GPR139: variants seen among roughly 807,000 people sequenced by gnomAD.
GPR139 encodes probable G protein-coupled receptor 139.
A neutral mutation model predicts 25.8 loss-of-function variants in GPR139; 12 were observed. That is an observed-to-expected ratio of 0.47 (90% CI 0.30 to 0.75). GPR139 has a LOEUF of 0.75. Among genes scored for constraint, GPR139 ranks in the 30% least tolerant of loss-of-function variants. The pLI is 0.07. For missense variants in GPR139, 380 were observed against 450.2 expected (o/e 0.84, Z 1.41); for synonymous variants, 184 against 179.9 (o/e 1.02, Z -0.18).
At chr16:20,064,870 C>T (rs1002684191) in intron 1 of GPR139, among the ~76,000 whole-genome samples, 1 of 152,202 alleles carries the variant, frequency 6.6e-6, no homozygotes, top group Non-Finnish European at 1.5e-5. Flanking sequence ...TGTTCCAAAA[C>T]AAAATGGTGG....
chr16:20,072,654 CGGCAG>C (rs2057463805), intron 1 of GPR139, among the ~76,000 whole-genome samples: 1 of 152,180 alleles, frequency 6.6e-6, no homozygotes, highest in Non-Finnish European at 1.5e-5. Context: ...CCCTCCTTCT[CGGCAG>C]CTCAGCTCTC....
intron 1 of GPR139, among the ~76,000 whole-genome samples, chr16:20,050,511 G>T (rs2057368125): frequency 6.6e-6 from 1 of 152,188 alleles, no homozygotes; most frequent in African/African-American, 2.4e-5. Flanking sequence ...GTGAAAATCA[G>T]AAGGGAAGGC....
chr16:20,045,291 C>T (rs975540972), intron 1 of GPR139, among the ~76,000 whole-genome samples: 7 of 152,082 alleles, frequency 4.6e-5, no homozygotes, highest in Non-Finnish European at 7.4e-5. Flanking sequence ...TGAGAGATTG[C>T]GCCTGGCCAC....
At chr16:20,056,170 C>G (rs2057387935) in intron 1 of GPR139, among the ~76,000 whole-genome samples, 1 of 152,160 alleles carries the variant, frequency 6.6e-6, no homozygotes, top group Non-Finnish European at 1.5e-5. Flanking sequence ...GCTGTCAACC[C>G]CACCCTTTCC....
chr16:20,059,328 G>T (rs544018463), intron 1 of GPR139, among the ~76,000 whole-genome samples: 6 of 152,100 alleles, frequency 3.9e-5, no homozygotes, highest in African/African-American at 1.4e-4. Flanking sequence ...CACCCACCTA[G>T]CCCAGCCTGT....
chr16:20,035,324 G>T (rs916113868), intron 1 of GPR139, among the ~76,000 whole-genome samples: 2 of 152,168 alleles, frequency 1.3e-5, no homozygotes, highest in Non-Finnish European at 2.9e-5. Flanking sequence ...TTCCCAGTGG[G>T]CTGGGGGTAC....
intron 1 of GPR139, among the ~76,000 whole-genome samples, chr16:20,049,558 T>G (rs2057365198): frequency 6.6e-6 from 1 of 152,258 alleles, no homozygotes; most frequent in African/African-American, 2.4e-5. Flanking sequence ...GTACCATGCT[T>G]GGCATGGAGT....
rs1804132042 is a variant in GPR139 at position 20,032,417 on chromosome 16, T to C, written c.380A>G (p.Tyr127Cys). The change falls in exon 2 of 2, where the codon TAT becomes TGT. Residue 127 changes from tyrosine to cysteine, a missense_variant. By Grantham distance (194) the Tyr-to-Cys change is radical. Transcript: ENST00000570682. Reference sequence around the variant, plus strand: ...CTTGAGCGGGTGGCAGACAGCGATATACCTGTCAATGGTTAACGGTACAGT... The same window carrying C: ...CTTGAGCGGGTGGCAGACAGCGATACACCTGTCAATGGTTAACGGTACAGT... ...WITVPLTIDR[Y>C]IAVCHPLKYH... The C allele has an allele frequency of 1.3e-5, 21 of 1,614,198 alleles. No homozygotes were observed. The Middle Eastern group carries it at 4.9e-4, about 38-fold the overall frequency.
intron 1 of GPR139, among the ~76,000 whole-genome samples, chr16:20,037,453 G>GA (rs139528395): frequency 0.11 from 12,548 of 118,578 alleles, 755 homozygotes; most frequent in African/African-American, 0.19. Context: ...CTCTGTCTCA[G>GA]AAAAAAAAAA....
chr16:20,060,149 G>A (rs1386288194), intron 1 of GPR139, among the ~76,000 whole-genome samples: 1 of 152,160 alleles, frequency 6.6e-6, no homozygotes, highest in African/African-American at 2.4e-5. Flanking sequence ...CAGCAGCTCC[G>A]TGGAGCTGAA....
intron 1 of GPR139, among the ~76,000 whole-genome samples, chr16:20,037,453 GAAA>G (rs139528395): frequency 2.5e-5 from 3 of 118,786 alleles, no homozygotes; most frequent in African/African-American, 2.9e-5. Flanking sequence ...CTCTGTCTCA[GAAA>G]AAAAAAAAAA....
chr16:20,057,921 CCATTTCATGTG>C (rs2057396198), intron 1 of GPR139, among the ~76,000 whole-genome samples: 1 of 152,156 alleles, frequency 6.6e-6, no homozygotes, highest in Non-Finnish European at 1.5e-5. Context: ...AGGGCAAAAG[CCATTTCATGTG>C]CATCTCTGTC....
chr16:20,032,543 A>C lies in GPR139; in HGVS notation c.254T>G (p.Phe85Cys). 6.2e-7 allele frequency: 1 copy of C among 1,614,178 alleles called. No individual in the cohort carries two copies. Residue 85 changes from phenylalanine to cysteine, a missense_variant, in exon 2 of 2, where the codon TTC (phenylalanine) becomes TGC (cysteine). Phe to Cys is a radical substitution (Grantham distance 205). Transcript: ENST00000570682. ...LVLFFIVFVD[F>C]LLEDFILNMQ... Reference sequence around the variant, plus strand: ...GTTCAAGATGAAATCTTCCAACAGGAAGTCCACAAACACTATGAAAAAGAG... The same window carrying C: ...GTTCAAGATGAAATCTTCCAACAGGCAGTCCACAAACACTATGAAAAAGAG...
chr16:20,067,804 CAAA>C (rs35387821), intron 1 of GPR139, among the ~76,000 whole-genome samples: 1 of 68,682 alleles, frequency 1.5e-5, no homozygotes. Flanking sequence ...AACTCCATCT[CAAA>C]AAAAAAAAAA....
rs2057469872 is a variant in GPR139 at position 20,073,735 on chromosome 16, C to T, written c.-119G>A. The T allele has an allele frequency of 3.1e-6, 4 of 1,278,098 alleles. No homozygotes were observed. In the East Asian group the frequency reaches 7.8e-5, roughly 25 times the overall value. The allele number at this position is 1,278,098 out of a possible 1,614,324, so 79.2% of individuals were successfully genotyped here. On this transcript the variant is annotated 5_prime_UTR_variant, in exon 1 of 2. Coordinates refer to ENST00000570682, the MANE Select transcript of GPR139 (RefSeq NM_001002911.4). This position sits in a 1 kb window ranked among gnomAD's most constrained non-coding sequence, Gnocchi z 4.7. ...CAGCTGGAGCAGCAGCGCCTCTCTCCCCGCAGGACTGGCTCCTACCCTTGG... is the reference window on the plus strand; with the variant it reads ...CAGCTGGAGCAGCAGCGCCTCTCTCTCCGCAGGACTGGCTCCTACCCTTGG...
intron 1 of GPR139, among the ~76,000 whole-genome samples, chr16:20,046,271 G>T (rs934450364): frequency 3.9e-5 from 6 of 152,296 alleles, no homozygotes; most frequent in Admixed American, 3.3e-4. Flanking sequence ...AATGTTTACT[G>T]AGCTGCTCAC....
At chr16:20,045,043 A>C (rs1343976303) in intron 1 of GPR139, among the ~76,000 whole-genome samples, 2 of 136,396 alleles carry the variant, frequency 1.5e-5, no homozygotes, top group Non-Finnish European at 3.0e-5. Context: ...TCTGTCGCTC[A>C]GGCTGGAGAG....
rs1359301596 is a variant in GPR139, at chr16:20,033,599, A to G, written c.128-930T>C. On this transcript the variant is annotated intron_variant, in intron 1 of 1. Coordinates refer to ENST00000570682, the MANE Select transcript of GPR139 (RefSeq NM_001002911.4). ...TGGATTTTAGGACCTTTCCTTTTTAAGTAGATTTAAAATTGGAGGTGCAGA... is the reference window on the plus strand; with the variant it reads ...TGGATTTTAGGACCTTTCCTTTTTAGGTAGATTTAAAATTGGAGGTGCAGA... Among the ~76,000 whole-genome samples, 3 of 152,184 alleles carry G rather than the reference A, an allele frequency of 2.0e-5. No homozygotes were observed. In the East Asian group the frequency reaches 5.8e-4, roughly 29 times the overall value.
chr16:20,060,801 C>T (rs969309888), intron 1 of GPR139, among the ~76,000 whole-genome samples: 3 of 152,122 alleles, frequency 2.0e-5, no homozygotes, highest in Admixed American at 6.5e-5. Flanking sequence ...CTCTTGCTGT[C>T]GTGATATGTG....
Sources: gnomAD v4.1 joint callset for allele counts (sites outside exome capture counted in the v4.1 genomes callset) on GRCh38, gnomAD v4.1.1 for gene constraint, Gnocchi (gnomAD v3.1) non-coding constraint, MANE v1.5 for transcripts, NCBI Gene and HGNC (gene_info 2026-07-23, HGNC 2026-07-21) for gene names.